The following TMEM63C variants were observed in gnomAD, a reference collection of about 807,000 sequenced individuals.
TMEM63C encodes the protein osmosensitive cation channel TMEM63C.
Under a neutral mutation model 99.2 loss-of-function variants are expected in TMEM63C, and 32 were observed. The ratio of observed to expected loss-of-function variants is 0.32; its 90% CI spans 0.24 to 0.43. TMEM63C has a LOEUF of 0.43. Ranked by LOEUF, TMEM63C falls within the 20% of genes least tolerant of loss-of-function variation. The pLI, the probability that TMEM63C is intolerant of heterozygous loss-of-function variation, is 1.00. For missense variants in TMEM63C, 826 were observed against 1,053.0 expected, an observed-to-expected ratio of 0.78 and a Z score of 2.98; for synonymous variants, 376 against 397.9, an observed-to-expected ratio of 0.94 and a Z score of 0.66.
At chr14:77,212,692 C>T (rs1888512604) in intron 1 of TMEM63C, among the ~76,000 whole-genome samples, 2 of 152,198 alleles carry the variant, frequency 1.3e-5, no homozygotes, top group African/African-American at 4.8e-5. Flanking sequence ...ACTGCCTCTG[C>T]TTGCTGCCTG....
At chr14:77,233,420 G>A in intron 7 of TMEM63C, 32 bp from the exon 8 acceptor site, 1 of 1,609,652 alleles carries the variant, frequency 6.2e-7, no homozygotes, top group South Asian at 1.1e-5. Context: ...TGAGGAGCCA[G>A]GCTCGAGGTC....
At chr14:77,207,970 G>A (rs1468787449) in intron 1 of TMEM63C, among the ~76,000 whole-genome samples, 1 of 152,106 alleles carries the variant, frequency 6.6e-6, no homozygotes, top group Non-Finnish European at 1.5e-5. Context: ...ATCAGGAGGG[G>A]GCTGTGGAAC....
chr14:77,226,450 G>A (rs2140115099), intron 6 of TMEM63C, among the ~76,000 whole-genome samples: 1 of 152,328 alleles, frequency 6.6e-6, no homozygotes, highest in Non-Finnish European at 1.5e-5. Flanking sequence ...GAGAAACAAA[G>A]GTGAACAAGA....
intron 20 of TMEM63C, 89 bp downstream of exon 20, chr14:77,248,961 A>G (rs1189780321): frequency 5.6e-6 from 7 of 1,256,454 alleles, no homozygotes; most frequent in Non-Finnish European, 8.2e-6. Flanking sequence ...CACCTCCTGG[A>G]GCATGGGGAG....
intron 1 of TMEM63C, among the ~76,000 whole-genome samples, chr14:77,187,485 G>A (rs1227814118): frequency 2.6e-5 from 4 of 152,188 alleles, no homozygotes; most frequent in Non-Finnish European, 4.4e-5. Flanking sequence ...AAGGGGACTC[G>A]GCAAGGCCAG....
intron 1 of TMEM63C, among the ~76,000 whole-genome samples, chr14:77,185,784 C>T (rs1208027027): frequency 6.6e-6 from 1 of 152,170 alleles, no homozygotes; most frequent in Non-Finnish European, 1.5e-5. Context: ...AGCTGCGTTC[C>T]CACCTATTTC....
intron 1 of TMEM63C, among the ~76,000 whole-genome samples, chr14:77,207,658 A>T (rs1027801141): frequency 2.0e-5 from 3 of 152,212 alleles, no homozygotes; most frequent in Non-Finnish European, 4.4e-5. Flanking sequence ...TACGTGTAAG[A>T]TGGGGATACT....
chr14:77,211,879 A>G (rs1381465701), intron 1 of TMEM63C, among the ~76,000 whole-genome samples: 2 of 152,204 alleles, frequency 1.3e-5, no homozygotes, highest in Non-Finnish European at 2.9e-5. Context: ...ACCAACCAGA[A>G]TTCACATCAT....
intron 1 of TMEM63C, among the ~76,000 whole-genome samples, chr14:77,183,188 A>G (rs1887942666): frequency 6.6e-6 from 1 of 152,068 alleles, no homozygotes. Flanking sequence ...CAGAGGGTGG[A>G]GTGAGTTCTC....
chr14:77,192,442 T>C (rs1314372009), intron 1 of TMEM63C, among the ~76,000 whole-genome samples: 2 of 152,190 alleles, frequency 1.3e-5, no homozygotes, highest in Non-Finnish European at 2.9e-5. Context: ...AATCGGAATT[T>C]TGAATTTAGA....
intron 1 of TMEM63C, among the ~76,000 whole-genome samples, chr14:77,203,614 C>T (rs1888341222): frequency 6.6e-6 from 1 of 152,270 alleles, no homozygotes; most frequent in South Asian, 2.1e-4. Context: ...CCACTTGGAT[C>T]TCCTCCACCT....
intron 1 of TMEM63C, among the ~76,000 whole-genome samples, chr14:77,194,557 T>G (rs28648599): frequency 0.31 from 36,960 of 118,536 alleles, 7,699 homozygotes; most frequent in Admixed American, 0.44. Flanking sequence ...TTCTTTCTCT[T>G]TCTTTCTTTC....
rs36201483 is a variant in TMEM63C at position 77,194,336 on chromosome 14, ATGTGTGTGTGTGTG to A, written c.-77+12476_-77+12489del. 2.5e-3 allele frequency among the ~76,000 whole-genome samples: 223 copies of A among 87,608 alleles called. 3 individuals are homozygous for A. Among genetic ancestry groups the A allele is most frequent in the Middle Eastern group, 6.4e-3 (1 of 156 alleles). The allele number at this position is 87,608 out of a possible 152,430, so 57.5% of individuals were successfully genotyped here. On this transcript the variant is annotated intron_variant, in intron 1 of 23. Coordinates refer to ENST00000298351, the MANE Select transcript of TMEM63C (RefSeq NM_020431.4). ...AAGATGCAGGCATAGATATATATAT[ATGTGTGTGTGTGTG>A]TGTGTGTGTGTGTGTGTGTGTGTGT...
rs745603578 is a variant in TMEM63C, at chr14:77,238,783, T to G, written c.725+16T>G. 26 of 1,609,160 alleles carry G rather than the reference T, an allele frequency of 1.6e-5. No individual in the cohort carries two copies. Among genetic ancestry groups the G allele is most frequent in the Non-Finnish European group, 2.2e-5 (26 of 1,175,558 alleles). ...AGCATTTTCAGTAAGTGGGTTGGGGTAGGCCAAGGCGTGGATTGCTTCCTC... is the reference window on the plus strand; with the variant it reads ...AGCATTTTCAGTAAGTGGGTTGGGGGAGGCCAAGGCGTGGATTGCTTCCTC... On this transcript the variant is annotated intron_variant, in intron 10 of 23. Transcript: ENST00000298351.
At chr14:77,223,840 G>A (rs1234404157) in intron 5 of TMEM63C, among the ~76,000 whole-genome samples, 1 of 152,114 alleles carries the variant, frequency 6.6e-6, no homozygotes, top group East Asian at 1.9e-4. Context: ...GTCCCCAGTG[G>A]TACCTAATCA....
At chr14:77,231,805 G>T in intron 7 of TMEM63C, 75 bp downstream of exon 7, 3 of 1,501,232 alleles carry the variant, frequency 2.0e-6, no homozygotes, top group Non-Finnish European at 2.7e-6. Flanking sequence ...CAGGGCTGGG[G>T]TTGAGGGTCT....
chr14:77,235,244 G>A (rs1046273849), intron 8 of TMEM63C, among the ~76,000 whole-genome samples: 3 of 151,314 alleles, frequency 2.0e-5, no homozygotes, highest in Non-Finnish European at 4.4e-5. Flanking sequence ...AGGTGTTCCT[G>A]GAAAGACTGC....
chr14:77,206,856 A>T (rs967283296), intron 1 of TMEM63C, among the ~76,000 whole-genome samples: 6 of 152,104 alleles, frequency 3.9e-5, no homozygotes, highest in African/African-American at 1.5e-4. Context: ...AAGGACTGTT[A>T]AAAGAATGTG....
chr14:77,217,631 C>T (rs1230644485), intron 2 of TMEM63C, among the ~76,000 whole-genome samples: 1 of 152,164 alleles, frequency 6.6e-6, no homozygotes, highest in Non-Finnish European at 1.5e-5. Context: ...CAGATAAGTT[C>T]AAGTAGCTAC....
Sources: gnomAD v4.1 joint callset for allele counts (sites outside exome capture counted in the v4.1 genomes callset) on GRCh38, gnomAD v4.1.1 for gene constraint, MANE v1.5 for transcripts, NCBI Gene and HGNC (gene_info 2026-07-23, HGNC 2026-07-21) for gene names.